Variants in ZNF385D observed in about 807,000 individuals in gnomAD.
The protein encoded by ZNF385D is zinc finger protein 385D.
Under a neutral mutation model 35.8 loss-of-function variants are expected in ZNF385D, and 15 were observed. That is an observed-to-expected ratio of 0.42 (90% CI 0.28 to 0.64). The LOEUF (loss-of-function observed/expected upper bound fraction) is 0.64. ZNF385D is among the 30% of genes least tolerant of loss of function. The pLI is 0.23. For missense variants in ZNF385D, 474 were observed against 494.6 expected (o/e 0.96, Z 0.39); for synonymous variants, 212 against 186.8 (o/e 1.13, Z -1.10).
At chr3:21,456,753 T>A (rs1043134968) in intron 4 of ZNF385D, among the ~76,000 whole-genome samples, 3 of 129,642 alleles carry the variant, frequency 2.3e-5, no homozygotes, top group Non-Finnish European at 4.8e-5. Flanking sequence ...AAATAAATAA[T>A]TAAAAAAGAG....
chr3:21,745,077 T>C (rs1412669642), intron 1 of ZNF385D, among the ~76,000 whole-genome samples: 1 of 152,106 alleles, frequency 6.6e-6, no homozygotes, highest in East Asian at 1.9e-4. Context: ...GGACATAGAT[T>C]AAACAACATT....
At chr3:21,851,368 A>G (rs1309566800) in intron 3 of ZNF385D, among the ~76,000 whole-genome samples, 1 of 152,004 alleles carries the variant, frequency 6.6e-6, no homozygotes, top group African/African-American at 2.4e-5. Flanking sequence ...AACTTCTTGG[A>G]AAGTTAAATA....
chr3:22,138,418 A>G (rs1220515413), intron 3 of ZNF385D, among the ~76,000 whole-genome samples: 2 of 152,192 alleles, frequency 1.3e-5, no homozygotes, highest in Admixed American at 6.5e-5. Context: ...TTCAAACTAT[A>G]CTACAAGGCT....
chr3:21,703,664 CA>C (rs5847128), intron 1 of ZNF385D, among the ~76,000 whole-genome samples: 32,077 of 149,178 alleles, frequency 0.22, 3,603 homozygotes, highest in East Asian at 0.3. Context: ...TATCCTCTTA[CA>C]AAAAAAAAAA....
At chr3:21,703,771 G>T (rs2067788931) in intron 1 of ZNF385D, among the ~76,000 whole-genome samples, 1 of 151,948 alleles carries the variant, frequency 6.6e-6, no homozygotes, top group Admixed American at 6.6e-5. Flanking sequence ...CAAATATGTT[G>T]TTATTTGTAG....
intron 3 of ZNF385D, among the ~76,000 whole-genome samples, chr3:21,867,174 G>A (rs1697411659): frequency 1.3e-5 from 2 of 152,148 alleles, no homozygotes; most frequent in African/African-American, 4.8e-5. Flanking sequence ...ACAGAGAGCA[G>A]AAGAGAGTGC....
chr3:22,256,716 G>C lies in ZNF385D; in HGVS notation c.107-87681C>G, dbSNP rs140310441. ...CAATGTCTATAACCAAAATTTTCAGGTGCCATCTTTATTATATATGTACTC... is the reference window on the plus strand; with the variant it reads ...CAATGTCTATAACCAAAATTTTCAGCTGCCATCTTTATTATATATGTACTC... On this transcript the variant is annotated intron_variant, in intron 2 of 5. Transcript: ENST00000494108. 4.0e-3 allele frequency among the ~76,000 whole-genome samples: 609 copies of C among 151,892 alleles called. 4 individuals carry two copies. Among genetic ancestry groups the C allele is most frequent in the African/African-American group, 0.014 (570 of 41,500 alleles).
At chr3:21,613,406 GAA>G (rs904765472) in intron 2 of ZNF385D, among the ~76,000 whole-genome samples, 1 of 143,274 alleles carries the variant, frequency 7.0e-6, no homozygotes, top group Non-Finnish European at 1.5e-5. Context: ...GGCGGTTTTA[GAA>G]AAAAAAAAAA....
At chr3:21,454,580 G>C (rs1702667307) in intron 4 of ZNF385D, among the ~76,000 whole-genome samples, 1 of 151,950 alleles carries the variant, frequency 6.6e-6, no homozygotes, top group Non-Finnish European at 1.5e-5. Flanking sequence ...GGTATTGATG[G>C]GACGTATCTC....
intron 1 of ZNF385D, among the ~76,000 whole-genome samples, chr3:21,726,845 A>C (rs1349522519): frequency 6.6e-6 from 1 of 152,194 alleles, no homozygotes; most frequent in Non-Finnish European, 1.5e-5. Flanking sequence ...TGGAACCAAA[A>C]AAGAGCCCGC....
intron 3 of ZNF385D, among the ~76,000 whole-genome samples, chr3:21,535,972 T>C (rs1321176068): frequency 6.8e-6 from 1 of 147,554 alleles, no homozygotes; most frequent in Non-Finnish European, 1.5e-5. Context: ...ATGAAGAAAA[T>C]ATCCTGGATT....
chr3:21,658,771 C>T (rs1245250031), intron 2 of ZNF385D, among the ~76,000 whole-genome samples: 1 of 152,006 alleles, frequency 6.6e-6, no homozygotes, highest in Non-Finnish European at 1.5e-5. Flanking sequence ...CAAGTGACCT[C>T]TCCTTCCTTT....
At chr3:21,699,140 A>G (rs2067578932) in intron 1 of ZNF385D, among the ~76,000 whole-genome samples, 1 of 152,322 alleles carries the variant, frequency 6.6e-6, no homozygotes, top group African/African-American at 2.4e-5. Flanking sequence ...CATATACCCC[A>G]TGGAATACTA....
At chr3:22,246,932 T>A (rs1699815055) in intron 2 of ZNF385D, among the ~76,000 whole-genome samples, 1 of 152,090 alleles carries the variant, frequency 6.6e-6, no homozygotes, top group Admixed American at 6.6e-5. Flanking sequence ...ATTGTACCTT[T>A]TGTCAATCAT....
chr3:21,927,650 C>T (rs1376683535), intron 3 of ZNF385D, among the ~76,000 whole-genome samples: 1 of 152,110 alleles, frequency 6.6e-6, no homozygotes, highest in African/African-American at 2.4e-5. Context: ...CAAAGGTTTG[C>T]TATGCACAAT....
chr3:21,608,723 A>C (rs553704632), intron 2 of ZNF385D, among the ~76,000 whole-genome samples: 1 of 152,280 alleles, frequency 6.6e-6, no homozygotes, highest in African/African-American at 2.4e-5. Context: ...CCCTCTAGAT[A>C]AAGCTTGATT....
chr3:21,781,739 G>C lies in ZNF385D; in HGVS notation c.326-116711C>G, dbSNP rs1319681595. Among the ~76,000 whole-genome samples, 3 of 152,000 alleles carry C rather than the reference G, an allele frequency of 2.0e-5. No individual in the cohort carries two copies. The East Asian group carries it at 5.8e-4, about 30-fold the overall frequency. On this transcript the variant is annotated intron_variant, in intron 3 of 5. Coordinates refer to the ZNF385D transcript ENST00000494108. Reference sequence around the variant, plus strand: ...TGACACTCAAGCTCATAATATTAAAGAGTATAAATATAAGCAGATATTTGG... The same window carrying C: ...TGACACTCAAGCTCATAATATTAAACAGTATAAATATAAGCAGATATTTGG...
At chr3:21,431,638 T>C (rs915737893) in intron 5 of ZNF385D, among the ~76,000 whole-genome samples, 9 of 152,156 alleles carry the variant, frequency 5.9e-5, no homozygotes, top group Admixed American at 5.9e-4. Context: ...TATGGCCATG[T>C]GGAGCACAGG....
chr3:22,360,844 A>C (rs1448143934), intron 2 of ZNF385D, among the ~76,000 whole-genome samples: 1 of 152,026 alleles, frequency 6.6e-6, no homozygotes, highest in Non-Finnish European at 1.5e-5. Context: ...TATTCCTATG[A>C]GATGCTATTA....
Sources: gnomAD v4.1 joint callset for allele counts (sites outside exome capture counted in the v4.1 genomes callset) on GRCh38, gnomAD v4.1.1 for gene constraint, MANE v1.5 for transcripts, NCBI Gene and HGNC (gene_info 2026-07-23, HGNC 2026-07-21) for gene names.